Variants in FRMD3 observed in about 807,000 individuals in gnomAD.
FRMD3 encodes FERM domain-containing protein 3.
FRMD3 carries 33 observed loss-of-function variants against 70.2 expected under a neutral mutation model. The observed-to-expected ratio is 0.47, with a 90% CI of 0.36 to 0.63. The LOEUF (loss-of-function observed/expected upper bound fraction) is 0.63. Among genes scored for constraint, FRMD3 ranks in the 20% least tolerant of loss-of-function variants. FRMD3 has a pLI of 0.00. For synonymous variants in FRMD3, 279 were observed against 255.9 expected (o/e 1.09, Z -0.86); for missense variants, 632 against 711.4 (o/e 0.89, Z 1.27).
intron 13 of FRMD3, among the ~76,000 whole-genome samples, chr9:83,285,715 G>T (rs1834179952): frequency 6.6e-6 from 1 of 152,188 alleles, no homozygotes; most frequent in Non-Finnish European, 1.5e-5. Context: ...CAGAAGCACG[G>T]TGCTATCTCC....
At chr9:83,320,510 C>A (rs1218221807) in intron 6 of FRMD3, among the ~76,000 whole-genome samples, 1 of 151,688 alleles carries the variant, frequency 6.6e-6, no homozygotes, top group East Asian at 1.9e-4. Context: ...CCCACCTGAT[C>A]ATGGTGTATT....
At chr9:83,324,170 G>A (rs1454889628) in intron 6 of FRMD3, among the ~76,000 whole-genome samples, 2 of 152,188 alleles carry the variant, frequency 1.3e-5, no homozygotes, top group African/African-American at 2.4e-5. Flanking sequence ...TAAATACAAT[G>A]TTGCTAGGGA....
At chr9:83,506,666 C>G (rs191010849) in intron 1 of FRMD3, among the ~76,000 whole-genome samples, 2 of 152,106 alleles carry the variant, frequency 1.3e-5, no homozygotes, top group African/African-American at 4.8e-5. Flanking sequence ...CCACTGTAGA[C>G]TTTATAAACA....
chr9:83,340,456 G>GC (rs1195531798), intron 5 of FRMD3, among the ~76,000 whole-genome samples: 12 of 152,204 alleles, frequency 7.9e-5, no homozygotes, highest in African/African-American at 2.9e-4. Context: ...AGCTGCTTTA[G>GC]CTCGAGTGGT....
intron 3 of FRMD3, among the ~76,000 whole-genome samples, chr9:83,369,693 T>C (rs1202387165): frequency 1.3e-5 from 2 of 151,976 alleles, no homozygotes; most frequent in African/African-American, 2.4e-5. Flanking sequence ...TGGATATTTT[T>C]AAATTTCTAA....
intron 1 of FRMD3, among the ~76,000 whole-genome samples, chr9:83,435,358 A>G (rs1827103143): frequency 6.6e-6 from 1 of 152,122 alleles, no homozygotes; most frequent in Admixed American, 6.5e-5. Flanking sequence ...TATCCTGCTT[A>G]AGAGAAAGTT....
At chr9:83,261,392 C>G (rs11139998) in intron 13 of FRMD3, among the ~76,000 whole-genome samples, 26,873 of 152,038 alleles carry the variant, frequency 0.18, 2,580 homozygotes, top group African/African-American at 0.25. Flanking sequence ...GTTGCTCTCC[C>G]CACCTGCTGA....
chr9:83,302,354 T>C (rs1318592787), intron 10 of FRMD3, among the ~76,000 whole-genome samples: 2 of 152,098 alleles, frequency 1.3e-5, no homozygotes, highest in Non-Finnish European at 2.9e-5. Context: ...CCCCAAATTC[T>C]CCTAGGATGA....
At chr9:83,475,519 C>A (rs1828374542) in intron 1 of FRMD3, among the ~76,000 whole-genome samples, 1 of 151,986 alleles carries the variant, frequency 6.6e-6, no homozygotes, top group South Asian at 2.1e-4. Flanking sequence ...TGAAAGGGAA[C>A]TCATATGTAT....
At chr9:83,381,552 A>G (rs891439119) in intron 2 of FRMD3, among the ~76,000 whole-genome samples, 2 of 151,880 alleles carry the variant, frequency 1.3e-5, no homozygotes, top group Non-Finnish European at 1.5e-5. Context: ...TGCAAAAAAA[A>G]AAGAAAAGAA....
At chr9:83,459,857 A>T (rs1332469412) in intron 1 of FRMD3, among the ~76,000 whole-genome samples, 2 of 152,216 alleles carry the variant, frequency 1.3e-5, no homozygotes, top group East Asian at 1.9e-4. Flanking sequence ...AGCCAGTAGG[A>T]TGGGGGCCTG....
chr9:83,244,018 C>T (rs1228203043), downstream of FRMD3, among the ~76,000 whole-genome samples: 1 of 152,062 alleles, frequency 6.6e-6, no homozygotes, highest in Non-Finnish European at 1.5e-5. Flanking sequence ...ATTCCAGCTA[C>T]TCAGGAAGCT....
intron 1 of FRMD3, among the ~76,000 whole-genome samples, chr9:83,428,044 C>T (rs746303861): frequency 2.6e-5 from 4 of 152,102 alleles, no homozygotes; most frequent in Non-Finnish European, 5.9e-5. Context: ...TAGATGGAAA[C>T]CCCAGAGGAG....
chr9:83,249,894 G>A (rs962190990), intron 13 of FRMD3, among the ~76,000 whole-genome samples: 1 of 152,118 alleles, frequency 6.6e-6, no homozygotes, highest in South Asian at 2.1e-4. Flanking sequence ...AAAATTGACA[G>A]TTCCTCAAAA....
At chr9:83,452,305 G>A (rs1827682640) in intron 1 of FRMD3, among the ~76,000 whole-genome samples, 1 of 152,156 alleles carries the variant, frequency 6.6e-6, no homozygotes, top group Non-Finnish European at 1.5e-5. Context: ...TGGTGATTGG[G>A]TGCTCAAGCC....
chr9:83,407,851 C>CA (rs151085932), intron 1 of FRMD3, among the ~76,000 whole-genome samples: 1 of 130,576 alleles, frequency 7.7e-6, no homozygotes, highest in African/African-American at 3.9e-5. Context: ...CTCTCTCTCT[C>CA]TCTCTCTCTC....
chr9:83,402,369 A>G (rs887963575), intron 1 of FRMD3, among the ~76,000 whole-genome samples: 7 of 151,158 alleles, frequency 4.6e-5, no homozygotes, highest in African/African-American at 1.7e-4. Flanking sequence ...ACCTCTGCAC[A>G]CTCTGTCTGT....
chr9:83,478,228 CCA>C (rs1280767243), intron 1 of FRMD3, among the ~76,000 whole-genome samples: 2 of 152,212 alleles, frequency 1.3e-5, no homozygotes, highest in African/African-American at 4.8e-5. Context: ...AGCCACCTAA[CCA>C]CAGTGTTCCT....
At chr9:83,549,532 C>T in the FRMD3 span, among the ~76,000 whole-genome samples, 2 of 152,036 alleles carry the variant, frequency 1.3e-5, no homozygotes, top group Non-Finnish European at 2.9e-5. Context: ...TATACTGCTT[C>T]TCACAATGGT....
Sources: allele counts gnomAD v4.1 joint callset (sites outside exome capture counted in the v4.1 genomes callset), GRCh38; gene constraint gnomAD v4.1.1; transcripts MANE v1.5; gene names NCBI Gene and HGNC (gene_info 2026-07-23, HGNC 2026-07-21).